The following DUOX2 variants were observed in gnomAD, a reference collection of about 807,000 sequenced individuals.
DUOX2 encodes the protein NADH/NADPH thyroid oxidase p138-tox.
Under a neutral mutation model 183.3 loss-of-function variants are expected in DUOX2, and 185 were observed. The ratio of observed to expected loss-of-function variants is 1.01; its 90% CI spans 0.90 to 1.14. The LOEUF is 1.14. Among genes scored for constraint, DUOX2 ranks in the 50% most tolerant of loss-of-function variants. The probability of loss-of-function intolerance (pLI) is 0.00; values close to 1 mark genes in which losing one functional copy is unlikely to be tolerated. For missense variants in DUOX2, 1,999 were observed against 2,022.9 expected (o/e 0.99, Z 0.23); for synonymous variants, 788 against 812.4 (o/e 0.97, Z 0.51).
Position 45,111,109 on chromosome 15 carries a change from A to C in DUOX2, c.882+2T>G. 1 of 1,148,906 alleles carries C rather than the reference A, an allele frequency of 8.7e-7. No homozygotes were observed. Among genetic ancestry groups the C allele is most frequent in the Non-Finnish European group, 1.2e-6 (1 of 826,358 alleles). 71.2% of individuals were successfully genotyped at this position (1,148,906 alleles called of 1,614,324 possible). A position where few individuals can be genotyped will look rare whatever the true frequency, so the allele number is the denominator to read the frequency against. On this transcript the variant is annotated splice_donor_variant, in intron 7 of 33. Transcript: ENST00000389039. LOFTEE classifies it high-confidence loss of function. ...GGACGTCGCGGGGCGCGGACGGCTGACCTGGTAGGTGGCGATGACCCTCTT... is the reference window on the plus strand; with the variant it reads ...GGACGTCGCGGGGCGCGGACGGCTGCCCTGGTAGGTGGCGATGACCCTCTT...
chr15:45,105,866 G>C, intron 17 of DUOX2, 38 bp from the exon 18 acceptor site: 1 of 1,611,768 alleles, frequency 6.2e-7, no homozygotes, highest in Non-Finnish European at 8.5e-7. Flanking sequence ...CAGGGAGCTC[G>C]CTGGACCTTC....
At position 45,099,487 on chromosome 15, in the gene DUOX2, A is replaced by G; in HGVS notation, c.3416-5T>C. ...CGTGGCCAGCACTGTGCAAAACTGG[A>G]AGAGACAGACCCTGTTAGAGATGCC... On this transcript the variant is annotated splice_polypyrimidine_tract_variant and splice_region_variant and intron_variant, in intron 25 of 33. Transcript: ENST00000389039. 6.2e-7 allele frequency: 1 copy of G among 1,613,642 alleles called. No homozygotes were observed. Among genetic ancestry groups the G allele is most frequent in the Admixed American group, 1.7e-5 (1 of 59,974 alleles).
intron 18 of DUOX2, 72 bp downstream of exon 18, chr15:45,105,571 G>T: frequency 1.3e-6 from 2 of 1,583,320 alleles, no homozygotes; most frequent in Non-Finnish European, 1.7e-6. Context: ...ACCCACAGGG[G>T]CGTTCTATGC....
At position 45,095,539 on chromosome 15, in the gene DUOX2, C is replaced by T. The variant is rs1447497445; in HGVS notation, c.4137G>A (p.Val1379=). The change falls in exon 31 of 34, where the codon GTG becomes GTA. Residue 1379 remains valine (V), a synonymous_variant. Transcript: ENST00000389039. ...EGHQEWHKFE[V]SVLVGGGIGV... ...CAATGCCCCCTCCCACCAACACTGACACCTCAAATTTATGCCACTCCTGAT... is the reference window on the plus strand; with the variant it reads ...CAATGCCCCCTCCCACCAACACTGATACCTCAAATTTATGCCACTCCTGAT... The T allele has an allele frequency of 6.2e-7, 1 of 1,614,220 alleles. No homozygotes were observed. Among genetic ancestry groups the T allele is most frequent in the East Asian group, 2.2e-5 (1 of 44,884 alleles).
intron 28 of DUOX2, 91 bp from the exon 29 acceptor site, chr15:45,097,482 G>A: frequency 6.2e-7 from 1 of 1,612,708 alleles, no homozygotes; most frequent in Non-Finnish European, 8.5e-7. Flanking sequence ...GTGCCGGGGA[G>A]ATAGGGCTGA....
intron 20 of DUOX2, among the ~76,000 whole-genome samples, chr15:45,102,321 C>A (rs116562151): frequency 0.021 from 3,228 of 152,320 alleles, 120 homozygotes; most frequent in African/African-American, 0.075. Context: ...TGTCCACTCT[C>A]TTCTGTTGAT....
chr15:45,095,687 A>C, intron 30 of DUOX2, 92 bp from the exon 31 acceptor site: 1 of 1,591,678 alleles, frequency 6.3e-7, no homozygotes, highest in Non-Finnish European at 8.6e-7. Context: ...GATACAGAAC[A>C]TCCTAGTCTT....
At position 45,109,895 on chromosome 15, in the gene DUOX2, G is replaced by A. The variant is rs119472029; in HGVS notation, c.1126C>T (p.Arg376Trp). 5.1e-5 allele frequency: 83 copies of A among 1,614,074 alleles called. No homozygotes were observed. Among genetic ancestry groups the A allele is most frequent in the African/African-American group, 2.3e-4 (17 of 75,050 alleles). Residue 376 changes from arginine (R) to tryptophan (W), a missense_variant, in exon 10 of 34, where the codon CGG (arginine) becomes TGG (tryptophan). Physicochemically the swap from Arg to Trp is moderately radical, Grantham distance 101. Around this residue, in one of 3 missense-constraint regions of DUOX2, gnomAD observed 1,628 missense variants for 1,608.6 expected, o/e 1.01. Transcript: ENST00000389039. ...GACCCTGACCCCAGTCTGACCTCCC[G>A]AATCCAGTAGTTGTTGCAGACCCTG... The part of the protein sequence containing the change: ...ALRVCNNYWI[R>W]ENPNLNSTQE...
chr15:45,095,124 C>T (rs1253214546), intron 31 of DUOX2, 33 bp from the exon 32 acceptor site: 1 of 1,604,728 alleles, frequency 6.2e-7, no homozygotes. Context: ...CAGGACCCAG[C>T]TCAGTTCAGC....
In DUOX2 at chr15:45,105,507, C is replaced by T. The variant is rs1046008439; in HGVS notation, c.2334+136G>A. ...CACAGAGCTAAGTAAAGTGGCAATG[C>T]CAGGATTCAAACAAGGCTATTTCTC... On this transcript the variant is annotated intron_variant, in intron 18 of 33. Coordinates refer to ENST00000389039, the MANE Select transcript of DUOX2 (RefSeq NM_001363711.2). 1.8e-5 allele frequency: 20 copies of T among 1,092,106 alleles called. No individual in the cohort carries two copies. In the Admixed American group the frequency reaches 2.2e-4, roughly 12 times the overall value. 67.7% of individuals were successfully genotyped at this position (1,092,106 alleles called of 1,614,324 possible).
chr15:45,094,990 C>T lies in DUOX2; in HGVS notation c.4341G>A (p.Val1447=), dbSNP rs1012526167. The T allele has an allele frequency of 3.1e-6, 5 of 1,614,226 alleles. No individual in the cohort carries two copies. Among genetic ancestry groups the T allele is most frequent in the Middle Eastern group, 1.6e-4 (1 of 6,062 alleles). Residue 1447 remains valine, a synonymous_variant, in exon 32 of 34, where the codon GTG becomes GTA. Coordinates refer to ENST00000389039, the MANE Select transcript of DUOX2 (RefSeq NM_001363711.2). ...EENDHQDLVS[V]HIYVTQLAEK... ...CAGCCAGCTGGGTGACATAAATGTG[C>T]ACAGACACCAGGTCCTGGTGGTCGT...
At position 45,098,042 on chromosome 15, in the gene DUOX2, TCTGGGGAAGCTTGGAC is replaced by T; in HGVS notation, c.3516_3531del (p.Lys1174SerfsTer12). ...GTCTGGAAGAACCACCAATAGAACT[TCTGGGGAAGCTTGGAC>T]CTGGGGGGCAAAGGCACCTTGAGCC... On this transcript the variant is annotated frameshift_variant and splice_region_variant, in exon 27 of 34. Transcript: ENST00000389039. LOFTEE classifies it high-confidence loss of function. 4 of 1,614,008 alleles carry T rather than the reference TCTGGGGAAGCTTGGAC, an allele frequency of 2.5e-6. No individual in the cohort carries two copies. In the East Asian group the frequency reaches 8.9e-5, roughly 36 times the overall value.
Position 45,095,907 on chromosome 15 carries a change from C to A in DUOX2, c.4001G>T (p.Arg1334Leu). The change falls in exon 30 of 34, where the codon CGG becomes CTG. Residue 1334 changes from arginine to leucine, a missense_variant. Arg to Leu is a moderately radical substitution (Grantham distance 102). Coordinates refer to ENST00000389039, the MANE Select transcript of DUOX2 (RefSeq NM_001363711.2). ...GCGAGTGGTCCAGGGCCCCACTGCCCGGATGTGCAGGCTGAGTGTGTCCTC... is the reference window on the plus strand; with the variant it reads ...GCGAGTGGTCCAGGGCCCCACTGCCAGGATGTGCAGGCTGAGTGTGTCCTC... ...PHEDTLSLHI[R>L]AVGPWTTRLR... is the part of the protein sequence containing the mutation. The A allele has an allele frequency of 6.2e-7, 1 of 1,613,782 alleles. No homozygotes were observed. Among genetic ancestry groups the A allele is most frequent in the Non-Finnish European group, 8.5e-7 (1 of 1,179,982 alleles).
In DUOX2 at chr15:45,100,148, T is replaced by G; in HGVS notation, c.3086A>C (p.Gln1029Pro). The change falls in exon 24 of 34, where the codon CAG becomes CCG. Residue 1029 changes from glutamine to proline, a missense_variant. Physicochemically the swap from Gln to Pro is moderately conservative, Grantham distance 76. Around this residue, in one of 3 missense-constraint regions of DUOX2, gnomAD observed 1,628 missense variants for 1,608.6 expected, o/e 1.01. Coordinates refer to ENST00000389039, the MANE Select transcript of DUOX2 (RefSeq NM_001363711.2). ...GTTCTCCACGAAGCGCTTGTACTGC[T>G]GCAGCTTTTGGGCTAGGAAGCCTCG... ...MQRGFLAQKL[Q>P]QYKRFVENYR... 22 of 1,614,240 alleles carry G rather than the reference T, an allele frequency of 1.4e-5. No homozygotes were observed. The highest frequency in any genetic ancestry group is 1.8e-5 in the Non-Finnish European group (21 of 1,180,044).
At chr15:45,097,109 TTTG>T (rs1344777308) in intron 29 of DUOX2, 126 bp downstream of exon 29, 17 of 1,439,358 alleles carry the variant, frequency 1.2e-5, no homozygotes, top group East Asian at 2.3e-5. Context: ...AGAGTGGTTT[TTTG>T]TTGTTGTTGT....
At position 45,104,135 on chromosome 15, in the gene DUOX2, C is replaced by A; in HGVS notation, c.2560+5G>T. 1 of 1,614,152 alleles carries A rather than the reference C, an allele frequency of 6.2e-7. No homozygotes were observed. Among genetic ancestry groups the A allele is most frequent in the Non-Finnish European group, 8.5e-7 (1 of 1,180,020 alleles). On this transcript the variant is annotated splice_donor_5th_base_variant and intron_variant, in intron 19 of 33. Transcript: ENST00000389039. ...TGGATAGCCTGCCACCTCCCAGCCC[C>A]CTACCTTTCATGAAGACCACCAGGA... is the stretch of plus-strand genomic sequence containing the variant.
rs1419716339 is a variant in DUOX2, at chr15:45,108,611, G to T, written c.1398+178C>A. On this transcript the variant is annotated intron_variant, in intron 12 of 33. Coordinates refer to ENST00000389039, the MANE Select transcript of DUOX2 (RefSeq NM_001363711.2). ...GAATATATTCTGGAATCAGATGGCT[G>T]AATTTAAGTCCCTCCTCTATGATTT... is the stretch of plus-strand genomic sequence containing the variant. 4 of 743,324 alleles carry T rather than the reference G, an allele frequency of 5.4e-6. No individual in the cohort carries two copies. The East Asian group carries it at 1.1e-4, about 20-fold the overall frequency. 46.0% of individuals were successfully genotyped at this position (743,324 alleles called of 1,614,324 possible).
At chr15:45,099,551 G>A in intron 25 of DUOX2, 69 bp from the exon 26 acceptor site, 1 of 1,576,340 alleles carries the variant, frequency 6.3e-7, no homozygotes, top group Non-Finnish European at 8.7e-7. Context: ...GAGGGAGAGA[G>A]GAGGCATAGG....
Position 45,096,051 on chromosome 15 carries a change from T to C in DUOX2, c.3857A>G (p.Tyr1286Cys), listed in dbSNP as rs774591147. The C allele has an allele frequency of 1.2e-6, 2 of 1,613,738 alleles. No individual in the cohort carries two copies. The highest frequency in any genetic ancestry group is 2.7e-5 in the African/African-American group (2 of 74,864). Residue 1286 changes from tyrosine (Y) to cysteine (C), a missense_variant, in exon 30 of 34, where the codon TAC becomes TGC. Around this residue, in one of 3 missense-constraint regions of DUOX2, gnomAD observed 1,628 missense variants for 1,608.6 expected, o/e 1.01. Coordinates refer to ENST00000389039, the MANE Select transcript of DUOX2 (RefSeq NM_001363711.2). Reference sequence around the variant, plus strand: ...GCCTTGGGGCCTCTGGAATTGCAGGTAGGTCACTCCTGGAGGTCATAGACA... The same window carrying C: ...GCCTTGGGGCCTCTGGAATTGCAGGCAGGTCACTCCTGGAGGTCATAGACA... Reference protein sequence around the residue: ...KAELLPSGVTYLQFQRPQGFE... With the variant: ...KAELLPSGVTCLQFQRPQGFE...
Sources: allele counts gnomAD v4.1 joint callset (sites outside exome capture counted in the v4.1 genomes callset), GRCh38; gene constraint gnomAD v4.1.1; regional missense constraint gnomAD v4.1.1; transcripts MANE v1.5; gene names NCBI Gene and HGNC (gene_info 2026-07-23, HGNC 2026-07-21).